The following PTCSC3 variants were observed in gnomAD, a reference collection of about 807,000 sequenced individuals.
PTCSC3 encodes papillary thyroid carcinoma susceptibility candidate 3.
intron 3 of PTCSC3, among the ~76,000 whole-genome samples, chr14:36,140,215 G>A (rs947161580): frequency 6.6e-6 from 1 of 152,118 alleles, no homozygotes; most frequent in African/African-American, 2.4e-5. Context: ...ATGTATCACA[G>A]TTTGAATTAT....
At chr14:36,142,461 T>A (rs1252488878) in intron 3 of PTCSC3, among the ~76,000 whole-genome samples, 1 of 152,162 alleles carries the variant, frequency 6.6e-6, no homozygotes, top group Non-Finnish European at 1.5e-5. Context: ...AATATCTTCA[T>A]CTGGTTTTGG....
intron 2 of PTCSC3, among the ~76,000 whole-genome samples, chr14:36,159,821 G>C (rs1881914646): frequency 6.6e-6 from 1 of 150,984 alleles, no homozygotes. Context: ...GTCTAATATT[G>C]ACAGTGTTAG....
At chr14:36,146,284 T>C (rs1239523946) in intron 3 of PTCSC3, among the ~76,000 whole-genome samples, 7 of 148,718 alleles carry the variant, frequency 4.7e-5, no homozygotes, top group Non-Finnish European at 8.9e-5. Context: ...CCATTATTAA[T>C]GTGTGGGAGT....
chr14:36,172,534 T>C (rs1340523404), intron 1 of PTCSC3, among the ~76,000 whole-genome samples: 1 of 151,898 alleles, frequency 6.6e-6, no homozygotes, highest in Non-Finnish European at 1.5e-5. Context: ...TCTGAAGAGG[T>C]TTCTTATCCT....
intron 3 of PTCSC3, among the ~76,000 whole-genome samples, chr14:36,148,972 A>T (rs775912658): frequency 7.3e-5 from 11 of 151,032 alleles, no homozygotes; most frequent in Non-Finnish European, 1.6e-4. Flanking sequence ...TGATTTTCTT[A>T]TTTCTTCCCC....
intron 3 of PTCSC3, chr14:36,153,791 C>T (rs541653982): frequency 6.6e-6 from 1 of 152,260 alleles, no homozygotes; most frequent in East Asian, 1.9e-4. Flanking sequence ...ACAAGCCAGA[C>T]ATGGTGCCTC....
At chr14:36,145,292 G>T (rs1429109989) in intron 3 of PTCSC3, among the ~76,000 whole-genome samples, 1 of 150,992 alleles carries the variant, frequency 6.6e-6, no homozygotes, top group East Asian at 1.9e-4. Flanking sequence ...TCTGGTCCTG[G>T]ACTCTTTTTG....
chr14:36,162,858 C>A (rs1881996994), intron 1 of PTCSC3, among the ~76,000 whole-genome samples: 1 of 152,280 alleles, frequency 6.6e-6, no homozygotes, highest in South Asian at 2.1e-4. Context: ...GTACTGGGAA[C>A]CTCCAGGTAT....
intron 3 of PTCSC3, among the ~76,000 whole-genome samples, chr14:36,145,561 A>G (rs369809197): frequency 7.5e-6 from 1 of 133,674 alleles, no homozygotes; most frequent in African/African-American, 2.8e-5. Context: ...TTTTTTCTTT[A>G]TTAGTCTTGC....
chr14:36,151,181 T>C (rs369363796), intron 3 of PTCSC3, among the ~76,000 whole-genome samples: 5 of 152,174 alleles, frequency 3.3e-5, no homozygotes, highest in African/African-American at 1.2e-4. Flanking sequence ...TCTTTTTCTT[T>C]CAACACTTTA....
intron 2 of PTCSC3, among the ~76,000 whole-genome samples, chr14:36,157,220 GT>G (rs1447564492): frequency 6.6e-6 from 1 of 152,060 alleles, no homozygotes; most frequent in South Asian, 2.1e-4. Context: ...CTTTTGAGGA[GT>G]TTTATATCCT....
intron 3 of PTCSC3, among the ~76,000 whole-genome samples, chr14:36,152,685 G>C (rs1881748527): frequency 6.6e-6 from 1 of 152,106 alleles, no homozygotes; most frequent in African/African-American, 2.4e-5. Context: ...CTGAAGTTCA[G>C]GAGTTTGAGA....
chr14:36,137,767 G>C (rs922369338), intron 3 of PTCSC3, among the ~76,000 whole-genome samples: 3 of 152,176 alleles, frequency 2.0e-5, no homozygotes, highest in African/African-American at 7.2e-5. Context: ...GGCTGCAAAA[G>C]GAGCAGGTAT....
At chr14:36,164,776 T>C (rs1421495752) in intron 1 of PTCSC3, among the ~76,000 whole-genome samples, 6 of 152,180 alleles carry the variant, frequency 3.9e-5, no homozygotes, top group Admixed American at 3.3e-4. Context: ...ATTTTTACAA[T>C]ATAAATACAC....
chr14:36,163,402 A>C (rs1882013786), intron 1 of PTCSC3, among the ~76,000 whole-genome samples: 1 of 152,166 alleles, frequency 6.6e-6, no homozygotes, highest in African/African-American at 2.4e-5. Flanking sequence ...GAAATTGGAA[A>C]AAGCAACTAG....
At chr14:36,144,323 C>T (rs1420586436) in intron 3 of PTCSC3, among the ~76,000 whole-genome samples, 2 of 145,918 alleles carry the variant, frequency 1.4e-5, no homozygotes, top group Non-Finnish European at 1.5e-5. Flanking sequence ...TTTGTATCCT[C>T]TTTTATTTCC....
chr14:36,159,872 G>T (rs904385707), intron 2 of PTCSC3, among the ~76,000 whole-genome samples: 3 of 152,110 alleles, frequency 2.0e-5, no homozygotes, highest in Admixed American at 6.5e-5. Context: ...TCTCTTTGTA[G>T]GTCTCTAAGG....
intron 3 of PTCSC3, among the ~76,000 whole-genome samples, chr14:36,139,537 C>T (rs779235816): frequency 6.6e-5 from 10 of 152,194 alleles, no homozygotes; most frequent in East Asian, 1.9e-4. Flanking sequence ...TGAGAGCCTC[C>T]CAGCTTCCTC....
intron 2 of PTCSC3, among the ~76,000 whole-genome samples, chr14:36,162,162 G>T (rs535902000): frequency 6.6e-6 from 1 of 151,536 alleles, no homozygotes; most frequent in Non-Finnish European, 1.5e-5. Flanking sequence ...GGGTGGGATC[G>T]GCTGAGCAAG....
Sources: gnomAD v4.1 joint callset for allele counts (sites outside exome capture counted in the v4.1 genomes callset) on GRCh38, gnomAD v4.1.1 for gene constraint, MANE v1.5 for transcripts, NCBI Gene and HGNC (gene_info 2026-07-23, HGNC 2026-07-21) for gene names.